WIZ: variants seen among roughly 807,000 people sequenced by gnomAD.
The protein encoded by WIZ is WIZ zinc finger.
A neutral mutation model predicts 140.2 loss-of-function variants in WIZ; 25 were observed. That is an observed-to-expected ratio of 0.18 (90% CI 0.13 to 0.25). WIZ has a LOEUF of 0.25. Ranked by LOEUF, WIZ falls within the 10% of genes least tolerant of loss-of-function variation. The probability of loss-of-function intolerance (pLI) is 1.00; values close to 1 mark genes in which losing one functional copy is unlikely to be tolerated. For synonymous variants in WIZ, 1,125 were observed against 1,154.3 expected (o/e 0.97, Z 0.51); for missense variants, 2,231 against 2,632.6 (o/e 0.85, Z 3.34).
rs1271892727 is a variant in WIZ at position 15,427,489 on chromosome 19, C to T, written c.3859G>A (p.Gly1287Ser). ...CCCTTGCGGTTCTCGAAGAACTCAC[C>T]ACAGAACTCGCAGCGGATGTCTCGT... Reference protein sequence around the residue: ...PARDIRCEFCGEFFENRKGLS... With the variant: ...PARDIRCEFCSEFFENRKGLS... The change falls in exon 9 of 13, where the codon GGT becomes AGT. Residue 1287 changes from glycine (G) to serine (S), a missense_variant. Gly to Ser is a moderately conservative substitution (Grantham distance 56). Around this residue, in one of 15 missense-constraint regions of WIZ, gnomAD observed 141 missense variants for 161.2 expected, o/e 0.87. Transcript: ENST00000673675. This position sits in a 1 kb window ranked among gnomAD's most constrained non-coding sequence, Gnocchi z 6.4. 1 of 1,612,604 alleles carries T rather than the reference C, an allele frequency of 6.2e-7. No individual in the cohort carries two copies. Among genetic ancestry groups the T allele is most frequent in the African/African-American group, 1.3e-5 (1 of 75,050 alleles).
Position 15,440,267 on chromosome 19 carries a change from G to C in WIZ, c.727C>G (p.Leu243Val). 4.0e-6 allele frequency: 6 copies of C among 1,490,992 alleles called. No homozygotes were observed. The highest frequency in any genetic ancestry group is 5.3e-6 in the Non-Finnish European group (6 of 1,124,498). The allele number at this position is 1,490,992 out of a possible 1,614,324, so 92.4% of individuals were successfully genotyped here. A position where few individuals can be genotyped will look rare whatever the true frequency, so the allele number is the denominator to read the frequency against. The stretch of plus-strand genomic sequence containing the variant: ...TCGGACGGCTGGGCCAGCCCCTCCA[G>C]GTCCTCCAGATCTTCTCTGCCACCC... ...VVGGREDLED[L>V]EGLAQPSEWG... The change falls in exon 4 of 13, where the codon CTG becomes GTG. Residue 243 changes from leucine to valine, a missense_variant. Leu to Val is a conservative substitution (Grantham distance 32). Around this residue, in one of 15 missense-constraint regions of WIZ, gnomAD observed 307 missense variants for 294.1 expected, o/e 1.04. Transcript: ENST00000673675. The surrounding 1 kb of genome is among the most constrained non-coding windows in gnomAD (Gnocchi z 6.2).
rs777400604 is a variant in WIZ, at chr19:15,425,466, G to A, written c.4669C>T (p.Arg1557Trp). 24 of 1,595,264 alleles carry A rather than the reference G, an allele frequency of 1.5e-5. No individual in the cohort carries two copies. The East Asian group carries it at 2.7e-4, about 18-fold the overall frequency. ...GGCCCTGCACCTGGTTTGCCTGGCCGGCCAGCCAGGGGCGACAGCGGCAGT... is the reference window on the plus strand; with the variant it reads ...GGCCCTGCACCTGGTTTGCCTGGCCAGCCAGCCAGGGGCGACAGCGGCAGT... ...SPLPLSPLAG[R>W]PGKPGAGPAQ... Residue 1557 changes from arginine to tryptophan, a missense_variant, in exon 10 of 13, where the codon CGG becomes TGG. By Grantham distance (101) the Arg-to-Trp change is moderately radical (BLOSUM62 -3). Around this residue, in one of 15 missense-constraint regions of WIZ, gnomAD observed 393 missense variants for 451.7 expected, o/e 0.87. Coordinates refer to ENST00000673675, the MANE Select transcript of WIZ (RefSeq NM_001371589.1).
chr19:15,425,369 C>A lies in WIZ; in HGVS notation c.4766G>T (p.Gly1589Val). The A allele has an allele frequency of 1.3e-6, 2 of 1,557,272 alleles. No homozygotes were observed. Among genetic ancestry groups the A allele is most frequent in the Non-Finnish European group, 1.7e-6 (2 of 1,150,630 alleles). The change falls in exon 10 of 13, where the codon GGC becomes GTC. Residue 1589 changes from glycine to valine, a missense_variant. This residue lies in a region of WIZ where 393 missense variants were observed against 451.7 expected (regional missense o/e 0.87). Coordinates refer to ENST00000673675, the MANE Select transcript of WIZ (RefSeq NM_001371589.1). ...GAKPSATGYL[G>V]SVAAKRPLQE... ...CAGGGGCCGCTTGGCTGCCACTGAG[C>A]CCAGGTAGCCAGTGGCTGAGGGCTT...
chr19:15,426,178 A>G (rs1477619379), intron 9 of WIZ, among the ~76,000 whole-genome samples: 1 of 151,906 alleles, frequency 6.6e-6, no homozygotes, highest in Non-Finnish European at 1.5e-5. Context: ...CAAAATGGAG[A>G]TGAAAACCCC....
intron 5 of WIZ, among the ~76,000 whole-genome samples, chr19:15,434,653 T>C (rs1302381956): frequency 2.6e-5 from 4 of 151,158 alleles, no homozygotes; most frequent in African/African-American, 9.7e-5. Flanking sequence ...CCAGGGGCGA[T>C]ACCCCCTGTT....
chr19:15,425,194 C>T, intron 10 of WIZ, 47 bp downstream of exon 10: 6 of 1,550,216 alleles, frequency 3.9e-6, no homozygotes, highest in Non-Finnish European at 5.2e-6. Flanking sequence ...CCTGGCCTGG[C>T]AGGCCCTGGC....
chr19:15,423,310 T>C (rs1387183807), intron 12 of WIZ, 75 bp from the exon 13 acceptor site: 26 of 1,532,208 alleles, frequency 1.7e-5, no homozygotes, highest in Non-Finnish European at 2.2e-5. Context: ...CCAGCATCCC[T>C]GGGCACACCT....
chr19:15,445,229 A>G (rs1969876428), intron 2 of WIZ, among the ~76,000 whole-genome samples: 1 of 152,042 alleles, frequency 6.6e-6, no homozygotes, highest in Non-Finnish European at 1.5e-5. Context: ...AGCAGCCTGA[A>G]CTCCAAGCCT....
chr19:15,440,626 C>G lies in WIZ; in HGVS notation c.368G>C (p.Gly123Ala). ...GHFPGTPDGR[G>A]PWEHPLVQEA... ...CTGGACAAGGGGGTGCTCCCAGGGC[C>G]CCCGGCCATCAGGGGTACCTGGGAA... Residue 123 changes from glycine (G) to alanine (A), a missense_variant, in exon 4 of 13, where the codon GGG becomes GCG. Gly to Ala is a moderately conservative substitution (Grantham distance 60). Transcript: ENST00000673675. The surrounding 1 kb of genome is among the most constrained non-coding windows in gnomAD (Gnocchi z 6.2). 7.8e-6 allele frequency: 12 copies of G among 1,532,442 alleles called. No homozygotes were observed. Among genetic ancestry groups the G allele is most frequent in the Non-Finnish European group, 1.0e-5 (12 of 1,143,948 alleles). The allele number at this position is 1,532,442 out of a possible 1,614,324, so 94.9% of individuals were successfully genotyped here. A position where few individuals can be genotyped will look rare whatever the true frequency, so the allele number is the denominator to read the frequency against.
In WIZ at chr19:15,429,682, G is replaced by A. The variant is rs1037072037; in HGVS notation, c.3319C>T (p.Pro1107Ser). The change falls in exon 7 of 13, where the codon CCT becomes TCT. Residue 1107 changes from proline (P) to serine (S), a missense_variant. Around this residue, in one of 15 missense-constraint regions of WIZ, gnomAD observed 163 missense variants for 166.8 expected, o/e 0.98. Transcript: ENST00000673675. ...GACAGCTGGGGGCTCTTGTCCTCAGGATTCTTAGGGGTAGGGGAGCCCGCC... is the reference window on the plus strand; with the variant it reads ...GACAGCTGGGGGCTCTTGTCCTCAGAATTCTTAGGGGTAGGGGAGCCCGCC... ...ALAGSPTPKNPEDKSPQLSLS... is the reference protein window; with the variant it reads ...ALAGSPTPKNSEDKSPQLSLS... 4.9e-6 allele frequency: 7 copies of A among 1,434,718 alleles called. No homozygotes were observed. The highest frequency in any genetic ancestry group is 6.4e-6 in the Non-Finnish European group (7 of 1,097,550). The allele number at this position is 1,434,718 out of a possible 1,614,324, so 88.9% of individuals were successfully genotyped here. A position where few individuals can be genotyped will look rare whatever the true frequency, so the allele number is the denominator to read the frequency against.
chr19:15,436,080 G>T (rs1969505354), intron 5 of WIZ, among the ~76,000 whole-genome samples: 1 of 152,210 alleles, frequency 6.6e-6, no homozygotes, highest in Admixed American at 6.5e-5. Flanking sequence ...CCAAGATTGT[G>T]CCACTGAGCT....
In WIZ at chr19:15,425,787, A is replaced by G; in HGVS notation, c.4367-19T>C. ...CGGGACGCTGCAGGGGATCCAGGGT[A>G]GGGGGAAGGAGGAGGAGGAGGAGGA... On this transcript the variant is annotated intron_variant, in intron 9 of 12. Transcript: ENST00000673675. 9.2e-7 allele frequency: 1 copy of G among 1,082,886 alleles called. No individual in the cohort carries two copies. The highest frequency in any genetic ancestry group is 7.1e-5 in the East Asian group (1 of 14,060). The allele number at this position is 1,082,886 out of a possible 1,614,324, so 67.1% of individuals were successfully genotyped here. A position where few individuals can be genotyped will look rare whatever the true frequency, so the allele number is the denominator to read the frequency against.
intron 2 of WIZ, among the ~76,000 whole-genome samples, chr19:15,446,084 A>G (rs1211627359): frequency 6.6e-6 from 1 of 152,178 alleles, no homozygotes; most frequent in African/African-American, 2.4e-5. Flanking sequence ...CTCCAAGTCA[A>G]GCCATTCCTA....
Position 15,429,825 on chromosome 19 carries a change from GCC to G in WIZ, c.3174_3175del (p.Ala1059GlnfsTer46). 3 of 1,528,658 alleles carry G rather than the reference GCC, an allele frequency of 2.0e-6. No homozygotes were observed. The East Asian group carries it at 7.4e-5, about 38-fold the overall frequency. The allele number at this position is 1,528,658 out of a possible 1,614,324, so 94.7% of individuals were successfully genotyped here. ...GACAGCAGGGGCATCCAAGGGCTTG[GCC>G]AGGCTGAGCAAGCCGGGCCGGGGGG... On this transcript the variant is annotated frameshift_variant, in exon 7 of 13. Coordinates refer to ENST00000673675, the MANE Select transcript of WIZ (RefSeq NM_001371589.1). LOFTEE classifies it high-confidence loss of function.
In WIZ at chr19:15,427,193, G is replaced by A. The variant is rs61732025; in HGVS notation, c.4155C>T (p.Pro1385=). The A allele has an allele frequency of 6.9e-4, 1,120 of 1,614,190 alleles. 12 individuals are homozygous for A. The African/African-American group carries it at 0.014, about 20-fold the overall frequency. Residue 1385 remains proline, a synonymous_variant, in exon 9 of 13, where the codon CCC becomes CCT. Coordinates refer to ENST00000673675, the MANE Select transcript of WIZ (RefSeq NM_001371589.1). The surrounding 1 kb of genome is among the most constrained non-coding windows in gnomAD (Gnocchi z 6.4). The part of the protein sequence containing the change: ...AKKLPPPPGS[P]LGHSPTASPP... Reference sequence around the variant, plus strand: ...GAGAGGCAGTTGGTGAGTGGCCCAGGGGGCTGCCCGGTGGTGGTGGCAACT... The same window carrying A: ...GAGAGGCAGTTGGTGAGTGGCCCAGAGGGCTGCCCGGTGGTGGTGGCAACT...
Position 15,424,599 on chromosome 19 carries a change from C to T in WIZ, c.5314+14G>A, listed in dbSNP as rs755696756. ...GCCCGCTGCGCTCCCGACCCTCCTC[C>T]ACCAAGCACTCACTGTTGATGTTCT... On this transcript the variant is annotated intron_variant, in intron 11 of 12. Coordinates refer to ENST00000673675, the MANE Select transcript of WIZ (RefSeq NM_001371589.1). This position sits in a 1 kb window ranked among gnomAD's most constrained non-coding sequence, Gnocchi z 9.7. 89 of 1,580,656 alleles carry T rather than the reference C, an allele frequency of 5.6e-5. No individual in the cohort carries two copies. In the Middle Eastern group the frequency reaches 9.1e-4, roughly 16 times the overall value.
In WIZ at chr19:15,448,135, C is replaced by G. The variant is rs61732027; in HGVS notation, c.173G>C (p.Arg58Pro). The G allele has an allele frequency of 6.2e-7, 1 of 1,612,730 alleles. No homozygotes were observed. The highest frequency in any genetic ancestry group is 8.5e-7 in the Non-Finnish European group (1 of 1,179,318). ...RYLPVTKEGP[R>P]DILDGRGGIS... The stretch of plus-strand genomic sequence containing the variant: ...GCCACCTCTGCCATCCAGAATGTCT[C>G]GGGGGCCCTCCTTGGTGACAGGCAG... The change falls in exon 2 of 13, where the codon CGA becomes CCA. Residue 58 changes from arginine to proline, a missense_variant. This residue lies in a region of WIZ where 85 missense variants were observed against 90.9 expected (regional missense o/e 0.94). Transcript: ENST00000673675.
rs1016736177 is a variant in WIZ, at chr19:15,431,109, A to T, written c.2814T>A (p.Pro938=). The T allele has an allele frequency of 5.3e-5, 82 of 1,535,802 alleles. No homozygotes were observed. Among genetic ancestry groups the T allele is most frequent in the Non-Finnish European group, 6.4e-5 (73 of 1,146,802 alleles). Residue 938 remains proline, a synonymous_variant, in exon 6 of 13, where the codon CCT becomes CCA. Transcript: ENST00000673675. ...CCACCTGCTCCAGGGCCCCAGGGAC[A>T]GGCAGGCTCTTCTTAGGGAGCGAGG... is the stretch of plus-strand genomic sequence containing the variant. ...GSPSLPKKSL[P]VPGALEQVAS...
chr19:15,424,989 G>A lies in WIZ; in HGVS notation c.4938C>T (p.Asn1646=), dbSNP rs1292412935. Residue 1646 remains asparagine (N), a synonymous_variant, in exon 11 of 13, where the codon AAC becomes AAT. Transcript: ENST00000673675. This position sits in a 1 kb window ranked among gnomAD's most constrained non-coding sequence, Gnocchi z 9.7. ...GTGCGTGGCTGGCCAGGGCCTTGCG[G>A]TTTTCAAAGTAAAGGCCACACAGCT... The part of the protein sequence containing the change: ...CCELCGLYFE[N]RKALASHARA... The A allele has an allele frequency of 1.2e-6, 2 of 1,601,284 alleles. No individual in the cohort carries two copies. Among genetic ancestry groups the A allele is most frequent in the East Asian group, 2.2e-5 (1 of 44,468 alleles).
Sources: allele counts gnomAD v4.1 joint callset (sites outside exome capture counted in the v4.1 genomes callset), GRCh38; gene constraint gnomAD v4.1.1; regional missense constraint gnomAD v4.1.1; non-coding constraint Gnocchi (gnomAD v3.1); transcripts MANE v1.5; gene names NCBI Gene and HGNC (gene_info 2026-07-23, HGNC 2026-07-21).